CHAF1B: variants seen among roughly 807,000 people sequenced by gnomAD.
CHAF1B encodes the protein chromatin assembly factor 1 subunit B.
CHAF1B carries 10 observed loss-of-function variants against 60.7 expected under a neutral mutation model. That is an observed-to-expected ratio of 0.16 (90% confidence interval 0.10 to 0.28). The LOEUF (loss-of-function observed/expected upper bound fraction) is 0.28. CHAF1B is among the 10% of genes least tolerant of loss of function. The pLI is 1.00. For synonymous variants in CHAF1B, 261 were observed against 266.1 expected (o/e 0.98, Z 0.19); for missense variants, 558 against 708.4 (o/e 0.79, Z 2.41).
chr21:36,391,472 AAAAAAAAAT>A (rs2086086755), intron 3 of CHAF1B, 70 bp from the exon 4 acceptor site: 6 of 983,324 alleles, frequency 6.1e-6, no homozygotes, highest in Non-Finnish European at 9.2e-6. Flanking sequence ...TCAAAAAAAA[AAAAAAAAAT>A]GAAAATAAAA....
intron 10 of CHAF1B, 130 bp from the exon 11 acceptor site, chr21:36,411,333 C>T (rs2086276534): frequency 9.0e-7 from 1 of 1,107,308 alleles, no homozygotes; most frequent in Non-Finnish European, 1.3e-6. Flanking sequence ...AGGCAGGTCT[C>T]AAACTCCTGA....
chr21:36,413,523 C>A (rs1287924998), intron 12 of CHAF1B, among the ~76,000 whole-genome samples: 1 of 152,178 alleles, frequency 6.6e-6, no homozygotes, highest in Non-Finnish European at 1.5e-5. Flanking sequence ...TCAGATAAAG[C>A]CCAGGCTCCT....
At chr21:36,389,758 G>GGTGT (rs1569119820) in intron 3 of CHAF1B, among the ~76,000 whole-genome samples, 42 of 118,724 alleles carry the variant, frequency 3.5e-4, no homozygotes, top group African/African-American at 1.3e-3. Flanking sequence ...TGCATGAAGG[G>GGTGT]ATGTGTGTGT....
At chr21:36,410,212 C>T (rs2086267565) in intron 10 of CHAF1B, among the ~76,000 whole-genome samples, 1 of 152,208 alleles carries the variant, frequency 6.6e-6, no homozygotes, top group Admixed American at 6.5e-5. Context: ...ATCCACCCAC[C>T]TTGGCCTCCC....
chr21:36,397,279 A>G (rs73902503), intron 5 of CHAF1B, 136 bp from the exon 6 acceptor site: 44,844 of 423,778 alleles, frequency 0.11, 4,650 homozygotes, highest in East Asian at 0.38. Flanking sequence ...GGGTTTTAGT[A>G]CAGAGTCTCT....
intron 2 of CHAF1B, 124 bp from the exon 3 acceptor site, chr21:36,387,474 G>A: frequency 8.4e-7 from 1 of 1,196,902 alleles, no homozygotes; most frequent in Non-Finnish European, 1.2e-6. Context: ...ACCCACCTTG[G>A]CCTCCTAAAC....
intron 6 of CHAF1B, among the ~76,000 whole-genome samples, chr21:36,399,207 T>G (rs575126162): frequency 1.3e-5 from 2 of 152,100 alleles, no homozygotes; most frequent in African/African-American, 4.8e-5. Flanking sequence ...GCTAATTTTT[T>G]GTATTTTTGG....
chr21:36,401,811 GCTCACTGCAAC>G (rs1036153282), intron 7 of CHAF1B, among the ~76,000 whole-genome samples: 1 of 151,676 alleles, frequency 6.6e-6, no homozygotes, highest in African/African-American at 2.4e-5. Context: ...CACGATCTTG[GCTCACTGCAAC>G]CTTTGCTTCC....
At chr21:36,400,801 T>C (rs2086181488) in intron 7 of CHAF1B, among the ~76,000 whole-genome samples, 1 of 152,062 alleles carries the variant, frequency 6.6e-6, no homozygotes, top group South Asian at 2.1e-4. Context: ...CAAATGAAAA[T>C]AGGACCCTTT....
Position 36,391,547 on chromosome 21 carries a change from G to A in CHAF1B, c.260-4G>A. ...TGGATCACTGTTACTGAATCACCCT[G>A]CAGATGCTGTCATCCTATTGTGGAA... On this transcript the variant is annotated splice_polypyrimidine_tract_variant and splice_region_variant and intron_variant, in intron 3 of 13. Transcript: ENST00000314103. 6.3e-7 allele frequency: 1 copy of A among 1,577,346 alleles called. No individual in the cohort carries two copies. The highest frequency in any genetic ancestry group is 8.7e-7 in the Non-Finnish European group (1 of 1,147,466).
intron 7 of CHAF1B, among the ~76,000 whole-genome samples, chr21:36,401,882 A>C (rs919085489): frequency 1.3e-5 from 2 of 151,738 alleles, no homozygotes; most frequent in African/African-American, 2.4e-5. Flanking sequence ...CTGGGATTAC[A>C]GGCGTGTGCC....
At chr21:36,407,728 A>AG (rs2086248926) in intron 8 of CHAF1B, among the ~76,000 whole-genome samples, 18 of 152,326 alleles carry the variant, frequency 1.2e-4, no homozygotes, top group African/African-American at 3.6e-4. Flanking sequence ...CTGTAATCCC[A>AG]GCACTTTGGG....
chr21:36,392,226 G>A (rs1181186632), intron 4 of CHAF1B, among the ~76,000 whole-genome samples: 2 of 152,072 alleles, frequency 1.3e-5, no homozygotes, highest in Non-Finnish European at 2.9e-5. Context: ...ATGTTTCAGA[G>A]AGCAGGGGGT....
chr21:36,391,795 G>C, intron 4 of CHAF1B, 127 bp downstream of exon 4: 1 of 577,926 alleles, frequency 1.7e-6, no homozygotes, highest in Admixed American at 2.7e-5. Flanking sequence ...CTGGAGTGCT[G>C]TACTGTGATC....
chr21:36,404,376 G>C (rs2086218477), intron 8 of CHAF1B, among the ~76,000 whole-genome samples: 1 of 150,150 alleles, frequency 6.7e-6, no homozygotes, highest in African/African-American at 2.4e-5. Context: ...TGGGATTACA[G>C]GCTTGAGCCA....
At position 36,416,546 on chromosome 21, in the gene CHAF1B, G is replaced by A. The variant is rs2086321623; in HGVS notation, c.*180G>A. On this transcript the variant is annotated 3_prime_UTR_variant, in exon 14 of 14. Coordinates refer to ENST00000314103, the MANE Select transcript of CHAF1B (RefSeq NM_005441.3). Reference sequence around the variant, plus strand: ...AGAAATATGGATGCTGTTGTATTCAGTATCCATTTTTAACTTGGGACATGA... The same window carrying A: ...AGAAATATGGATGCTGTTGTATTCAATATCCATTTTTAACTTGGGACATGA... 1.5e-5 allele frequency: 7 copies of A among 480,794 alleles called. No homozygotes were observed. The allele number at this position is 480,794 out of a possible 1,614,324, so 29.8% of individuals were successfully genotyped here. A position where few individuals can be genotyped will look rare whatever the true frequency, so the allele number is the denominator to read the frequency against.
chr21:36,391,800 G>T lies in CHAF1B; in HGVS notation c.377+132G>T, dbSNP rs888466896. The T allele has an allele frequency of 2.2e-5, 12 of 550,542 alleles. No individual in the cohort carries two copies. The South Asian group carries it at 2.3e-4, about 10-fold the overall frequency. 34.1% of individuals were successfully genotyped at this position (550,542 alleles called of 1,614,324 possible). A position where few individuals can be genotyped will look rare whatever the true frequency, so the allele number is the denominator to read the frequency against. On this transcript the variant is annotated intron_variant, in intron 4 of 13. Coordinates refer to ENST00000314103, the MANE Select transcript of CHAF1B (RefSeq NM_005441.3). ...GTCGCCCAGGCTGGAGTGCTGTACTGTGATCACAGTACCCTGCAGCCTTGA... is the reference window on the plus strand; with the variant it reads ...GTCGCCCAGGCTGGAGTGCTGTACTTTGATCACAGTACCCTGCAGCCTTGA...
At chr21:36,403,751 A>G (rs753174187) in intron 8 of CHAF1B, among the ~76,000 whole-genome samples, 2 of 152,204 alleles carry the variant, frequency 1.3e-5, no homozygotes, top group Non-Finnish European at 2.9e-5. Flanking sequence ...AGATAAGGCT[A>G]GGCATTATTG....
rs147930595 is a variant in CHAF1B, at chr21:36,415,898, G to A, written c.1589-377G>A. ...CTCCCGAGTAGCCGGGACTACAGGC[G>A]TGCGCCATCACACCCGGGTAATTTT... On this transcript the variant is annotated intron_variant, in intron 13 of 13. Transcript: ENST00000314103. 210 of 327,984 alleles carry A rather than the reference G, an allele frequency of 6.4e-4. 2 individuals are homozygous for A. The highest frequency in any genetic ancestry group is 5.7e-3 in the Middle Eastern group (5 of 878). The allele number at this position is 327,984 out of a possible 1,614,324, so 20.3% of individuals were successfully genotyped here.
Sources: allele counts gnomAD v4.1 joint callset (sites outside exome capture counted in the v4.1 genomes callset), GRCh38; gene constraint gnomAD v4.1.1; transcripts MANE v1.5; gene names NCBI Gene and HGNC (gene_info 2026-07-23, HGNC 2026-07-21).